THSD7B: variants seen among roughly 807,000 people sequenced by gnomAD.
THSD7B encodes thrombospondin type-1 domain-containing protein 7B.
A neutral mutation model predicts 213.6 loss-of-function variants in THSD7B; 138 were observed. That is an observed-to-expected ratio of 0.65 (90% CI 0.56 to 0.74). THSD7B has a LOEUF of 0.74. THSD7B is among the 30% of genes least tolerant of loss of function. THSD7B has a pLI of 0.00. For missense variants in THSD7B, 1,931 were observed against 1,991.5 expected, an observed-to-expected ratio of 0.97 and a Z score of 0.58; for synonymous variants, 742 against 687.0, an observed-to-expected ratio of 1.08 and a Z score of -1.25.
intron 2 of THSD7B, among the ~76,000 whole-genome samples, chr2:136,902,464 C>T (rs993990281): frequency 7.1e-4 from 108 of 152,276 alleles, no homozygotes; most frequent in African/African-American, 2.5e-3. Context: ...AGAAAAATGA[C>T]GGCAGGAAGA....
intron 7 of THSD7B, 134 bp downstream of exon 7, chr2:137,171,072 A>T: frequency 5.0e-6 from 5 of 1,004,158 alleles, no homozygotes; most frequent in Middle Eastern, 3.3e-4. Flanking sequence ...TTATGTTTAC[A>T]TCGAGTGACA....
intron 12 of THSD7B, among the ~76,000 whole-genome samples, chr2:137,280,344 C>G (rs1682977852): frequency 6.6e-6 from 1 of 152,116 alleles, no homozygotes; most frequent in South Asian, 2.1e-4. Flanking sequence ...CCCATCAATA[C>G]ATTCAGAAAA....
chr2:137,563,292 C>A lies in THSD7B; in HGVS notation c.3210C>A (p.Cys1070Ter), dbSNP rs1221904418. 1.2e-6 allele frequency: 2 copies of A among 1,613,336 alleles called. No individual in the cohort carries two copies. The highest frequency in any genetic ancestry group is 1.7e-6 in the Non-Finnish European group (2 of 1,179,582). The change falls in exon 16 of 28, where the codon TGC becomes TGA. Residue 1070 changes from cysteine to a stop codon, truncating the protein, a stop_gained. Coordinates refer to ENST00000409968, the MANE Select transcript of THSD7B (RefSeq NM_001316349.2). LOFTEE classifies it high-confidence loss of function. ...GGGTTGTAGAACACTGGTCTTCATGCAAAATCAACAATGAGCTGAGGTCCC... is the reference window on the plus strand; with the variant it reads ...GGGTTGTAGAACACTGGTCTTCATGAAAAATCAACAATGAGCTGAGGTCCC... ...YSWVVEHWSS[C>*]KINNELRSLR...
chr2:137,244,347 C>A (rs1472769552), intron 10 of THSD7B, among the ~76,000 whole-genome samples: 2 of 152,104 alleles, frequency 1.3e-5, no homozygotes, highest in African/African-American at 4.8e-5. Context: ...TAAGAGAATA[C>A]CCCACCAGCA....
At chr2:136,989,570 G>T (rs1368062) in intron 2 of THSD7B, among the ~76,000 whole-genome samples, 1 of 151,978 alleles carries the variant, frequency 6.6e-6, no homozygotes, top group African/African-American at 2.4e-5. Context: ...ATGAGCCAAA[G>T]AAGGAAACCT....
At chr2:137,462,945 T>C (rs549676963) in intron 15 of THSD7B, among the ~76,000 whole-genome samples, 2 of 152,188 alleles carry the variant, frequency 1.3e-5, no homozygotes, top group African/African-American at 4.8e-5. Context: ...GTAAATCTTC[T>C]ATCTGTGAAA....
chr2:137,590,612 A>G (rs1373868528), intron 17 of THSD7B, among the ~76,000 whole-genome samples: 1 of 152,028 alleles, frequency 6.6e-6, no homozygotes, highest in Non-Finnish European at 1.5e-5. Flanking sequence ...AAACAACTCA[A>G]TCACTCCTAC....
intron 7 of THSD7B, among the ~76,000 whole-genome samples, chr2:137,171,783 T>C (rs558026468): frequency 6.6e-6 from 1 of 152,324 alleles, no homozygotes; most frequent in Non-Finnish European, 1.5e-5. Flanking sequence ...AGGGTTGATA[T>C]ATATTGCAAA....
chr2:137,423,434 T>C (rs566680633), intron 14 of THSD7B, among the ~76,000 whole-genome samples: 3 of 152,180 alleles, frequency 2.0e-5, no homozygotes, highest in African/African-American at 7.2e-5. Context: ...CTAAAGAATT[T>C]AGCAGGTTTG....
chr2:137,546,432 ATATT>A (rs1680726337), intron 15 of THSD7B, among the ~76,000 whole-genome samples: 3 of 30,330 alleles, frequency 9.9e-5, no homozygotes, highest in African/African-American at 2.2e-4. Context: ...TATTATATAT[ATATT>A]ATATATATTA....
intron 2 of THSD7B, among the ~76,000 whole-genome samples, chr2:136,999,998 C>A (rs561002573): frequency 6.6e-6 from 1 of 152,066 alleles, no homozygotes; most frequent in African/African-American, 2.4e-5. Context: ...TTAGACAGTT[C>A]TACCTTAAGA....
intron 6 of THSD7B, among the ~76,000 whole-genome samples, chr2:137,164,990 G>T (rs1293817018): frequency 2.6e-5 from 4 of 152,030 alleles, no homozygotes; most frequent in African/African-American, 9.7e-5. Flanking sequence ...TAACAAACCT[G>T]CAAGTTGTGT....
At chr2:137,451,328 G>A (rs1188112980) in intron 15 of THSD7B, among the ~76,000 whole-genome samples, 1 of 151,418 alleles carries the variant, frequency 6.6e-6, no homozygotes, top group African/African-American at 2.4e-5. Flanking sequence ...ATATATATAT[G>A]TGTGTATATA....
intron 20 of THSD7B, among the ~76,000 whole-genome samples, chr2:137,628,661 C>T: frequency 6.6e-6 from 1 of 152,160 alleles, no homozygotes; most frequent in Non-Finnish European, 1.5e-5. Context: ...GTGTTGTCCT[C>T]AAGGGCCACT....
At chr2:137,043,176 T>C (rs1021407621) in intron 2 of THSD7B, among the ~76,000 whole-genome samples, 17 of 152,218 alleles carry the variant, frequency 1.1e-4, no homozygotes, top group African/African-American at 3.6e-4. Context: ...AAATTAGATG[T>C]GCAAGGAATA....
chr2:137,586,661 G>A (rs1183773605), intron 17 of THSD7B, among the ~76,000 whole-genome samples: 1 of 152,096 alleles, frequency 6.6e-6, no homozygotes, highest in Non-Finnish European at 1.5e-5. Flanking sequence ...TTGAATATTG[G>A]CCCCCACTCT....
intron 5 of THSD7B, among the ~76,000 whole-genome samples, chr2:137,128,908 T>A (rs779332511): frequency 6.6e-6 from 1 of 152,198 alleles, no homozygotes; most frequent in Non-Finnish European, 1.5e-5. Flanking sequence ...AAAAGAACTT[T>A]AAGTGTCCAG....
intron 1 of THSD7B, among the ~76,000 whole-genome samples, chr2:136,798,120 C>T (rs910911524): frequency 1.3e-5 from 2 of 151,880 alleles, no homozygotes; most frequent in African/African-American, 4.8e-5. Context: ...GGTTTCCACA[C>T]TATGCTGAGC....
intron 17 of THSD7B, among the ~76,000 whole-genome samples, chr2:137,577,701 A>G (rs1025740388): frequency 6.6e-6 from 1 of 152,170 alleles, no homozygotes; most frequent in African/African-American, 2.4e-5. Flanking sequence ...CCCACATTTT[A>G]TATTATTTCA....
Sources: allele counts gnomAD v4.1 joint callset (sites outside exome capture counted in the v4.1 genomes callset), GRCh38; gene constraint gnomAD v4.1.1; transcripts MANE v1.5; gene names NCBI Gene and HGNC (gene_info 2026-07-23, HGNC 2026-07-21).